OR14J1: variants seen among roughly 807,000 people sequenced by gnomAD.
OR14J1 encodes olfactory receptor family 14 subfamily J member 1, also known as olfactory receptor 14J1.
For synonymous variants in OR14J1, 140 were observed against 146.7 expected (o/e 0.95, Z 0.33); for missense variants, 378 against 393.4 (o/e 0.96, Z 0.33).
chr6:29,306,040 A>G (rs558767049), intron 1 of OR14J1, among the ~76,000 whole-genome samples: 2 of 152,344 alleles, frequency 1.3e-5, no homozygotes, highest in African/African-American at 4.8e-5. Flanking sequence ...AAAGCTCAGG[A>G]TTCAATGCCT....
chr6:29,305,654 TA>T (rs1366027033), intron 1 of OR14J1, among the ~76,000 whole-genome samples: 1 of 152,056 alleles, frequency 6.6e-6, no homozygotes, highest in Non-Finnish European at 1.5e-5. Flanking sequence ...GTTGATTCTA[TA>T]ATAATAGCAC....
Position 29,312,757 on chromosome 6 carries a change from G to A in OR14J1, c.*5102G>A, listed in dbSNP as rs897632821. ...AGATAATCAAGAATTGTTATAAAGG[G>A]CTGGGCGTGGTAGCTCACGCCTGTA... On this transcript the variant is annotated 3_prime_UTR_variant, in exon 2 of 2. Coordinates refer to ENST00000641895, the MANE Select transcript of OR14J1 (RefSeq NM_030946.2). The A allele has an allele frequency of 6.6e-6, 1 of 152,222 alleles. No homozygotes were observed. Among genetic ancestry groups the A allele is most frequent in the Non-Finnish European group, 1.5e-5 (1 of 68,072 alleles). The allele number at this position is 152,222 out of a possible 1,614,324, so 9.4% of individuals were successfully genotyped here. A position where few individuals can be genotyped will look rare whatever the true frequency, so the allele number is the denominator to read the frequency against.
Position 29,306,805 on chromosome 6 carries a change from G to A in OR14J1, c.116G>A (p.Gly39Asp). The A allele has an allele frequency of 6.2e-7, 1 of 1,612,982 alleles. No homozygotes were observed. The highest frequency in any genetic ancestry group is 2.2e-5 in the East Asian group (1 of 44,884). ...FLVTYLLALT[G>D]NLLIITIITV... is the part of the protein sequence containing the mutation. ...GTGACATACCTGCTGGCCTTGACAG[G>A]CAACCTCCTCATTATCACCATCATT... The change falls in exon 2 of 2, where the codon GGC becomes GAC. Residue 39 changes from glycine (G) to aspartate (D), a missense_variant. Gly to Asp is a moderately conservative substitution (Grantham distance 94). Coordinates refer to ENST00000641895, the MANE Select transcript of OR14J1 (RefSeq NM_030946.2).
At chr6:29,303,884 C>G (rs191661855) in intron 1 of OR14J1, among the ~76,000 whole-genome samples, 1 of 152,190 alleles carries the variant, frequency 6.6e-6, no homozygotes. Context: ...GACACACACA[C>G]ACACATAAAA....
rs1265235004 is a variant in OR14J1, at chr6:29,307,049, G to A, written c.360G>A (p.Arg120=). The part of the protein sequence containing the change: ...VAILTVMSYD[R]YAAICQPLHY... ...TTCTCACAGTGATGTCTTATGACAG[G>A]TACGCAGCAATCTGTCAACCACTTC... The change falls in exon 2 of 2, where the codon AGG becomes AGA. Residue 120 remains arginine, a synonymous_variant. Transcript: ENST00000641895. 6 of 1,612,846 alleles carry A rather than the reference G, an allele frequency of 3.7e-6. No homozygotes were observed. Among genetic ancestry groups the A allele is most frequent in the African/African-American group, 1.3e-5 (1 of 74,916 alleles).
At chr6:29,301,948 T>C (rs1291112270) in intron 1 of OR14J1, among the ~76,000 whole-genome samples, 161 bp downstream of exon 1, 1 of 152,130 alleles carries the variant, frequency 6.6e-6, no homozygotes, top group African/African-American at 2.4e-5. Context: ...GCGATATCTA[T>C]GCAAATAAGG....
intron 1 of OR14J1, among the ~76,000 whole-genome samples, chr6:29,305,252 C>A (rs1485905404): frequency 6.6e-6 from 1 of 152,050 alleles, no homozygotes; most frequent in Non-Finnish European, 1.5e-5. Context: ...ACAGCAAAAT[C>A]AAAAAGATCT....
Position 29,309,764 on chromosome 6 carries a change from G to A in OR14J1, c.*2109G>A, listed in dbSNP as rs746386457. On this transcript the variant is annotated 3_prime_UTR_variant, in exon 2 of 2. Transcript: ENST00000641895. The stretch of plus-strand genomic sequence containing the variant: ...TAGGGGGCCGCAGCAGGCAGATCAC[G>A]AGGTCAGGAGATTGAGACCATCCTG... The A allele has an allele frequency of 2.6e-5, 4 of 152,152 alleles. No homozygotes were observed. The highest frequency in any genetic ancestry group is 1.3e-4 in the Admixed American group (2 of 15,274). The allele number at this position is 152,152 out of a possible 1,614,324, so 9.4% of individuals were successfully genotyped here.
At position 29,311,457 on chromosome 6, in the gene OR14J1, A is replaced by G. The variant is rs1190890189; in HGVS notation, c.*3802A>G. On this transcript the variant is annotated 3_prime_UTR_variant, in exon 2 of 2. Coordinates refer to ENST00000641895, the MANE Select transcript of OR14J1 (RefSeq NM_030946.2). ...AATCAGCTTTGCATCCCAGGAATGA[A>G]GCTGACTTGATCATGGTAGATGAGC... 2 of 152,218 alleles carry G rather than the reference A, an allele frequency of 1.3e-5. No individual in the cohort carries two copies. Among genetic ancestry groups the G allele is most frequent in the Non-Finnish European group, 2.9e-5 (2 of 68,032 alleles). The allele number at this position is 152,218 out of a possible 1,614,324, so 9.4% of individuals were successfully genotyped here.
rs1775572820 is a variant in OR14J1 at position 29,312,248 on chromosome 6, G to A, written c.*4593G>A. 6.6e-6 allele frequency: 1 copy of A among 152,000 alleles called. No homozygotes were observed. The highest frequency in any genetic ancestry group is 2.4e-5 in the African/African-American group (1 of 41,396). The allele number at this position is 152,000 out of a possible 1,614,324, so 9.4% of individuals were successfully genotyped here. Reference sequence around the variant, plus strand: ...CTGCTTTCTCCTGTGGGCATTTAGTGCTATAAATTTCCCTTTAAACACTGC... The same window carrying A: ...CTGCTTTCTCCTGTGGGCATTTAGTACTATAAATTTCCCTTTAAACACTGC... On this transcript the variant is annotated 3_prime_UTR_variant, in exon 2 of 2. Coordinates refer to ENST00000641895, the MANE Select transcript of OR14J1 (RefSeq NM_030946.2).
At chr6:29,303,133 G>A (rs955595282) in intron 1 of OR14J1, among the ~76,000 whole-genome samples, 5 of 152,182 alleles carry the variant, frequency 3.3e-5, no homozygotes, top group South Asian at 2.1e-4. Flanking sequence ...GGTAGTGCTC[G>A]AAACAGCAGA....
chr6:29,308,835 C>G lies in OR14J1; in HGVS notation c.*1180C>G. On this transcript the variant is annotated 3_prime_UTR_variant, in exon 2 of 2. Coordinates refer to ENST00000641895, the MANE Select transcript of OR14J1 (RefSeq NM_030946.2). ...GTTATAATATCTACATATGCATATA[C>G]CTTAGTAAGTTTTTTTTCTTTAATC... 1 of 26,608 alleles carries G rather than the reference C, an allele frequency of 3.8e-5. No individual in the cohort carries two copies. Among genetic ancestry groups the G allele is most frequent in the Middle Eastern group, 0.014 (1 of 72 alleles). The allele number at this position is 26,608 out of a possible 1,614,324, so 1.6% of individuals were successfully genotyped here.
Position 29,306,675 on chromosome 6 carries a change from A to G in OR14J1, c.-15A>G. ...CTTCCTAAACAGAGTCACACTTGGT[A>G]TCTTCAGAGAGACTATGGTCAATTT... On this transcript the variant is annotated 5_prime_UTR_variant, in exon 2 of 2. Coordinates refer to ENST00000641895, the MANE Select transcript of OR14J1 (RefSeq NM_030946.2). The G allele has an allele frequency of 6.5e-7, 1 of 1,543,852 alleles. No homozygotes were observed. The highest frequency in any genetic ancestry group is 8.9e-7 in the Non-Finnish European group (1 of 1,120,094).
Position 29,307,212 on chromosome 6 carries a change from T to C in OR14J1, c.523T>C (p.Phe175Leu). 6.2e-7 allele frequency: 1 copy of C among 1,613,056 alleles called. No individual in the cohort carries two copies. The highest frequency in any genetic ancestry group is 8.5e-7 in the Non-Finnish European group (1 of 1,180,020). ...CTGTGGGAAGAGAGTCATTCACCAA[T>C]TCTTCTGTGATGTTCCTCAGATGCT... ...PLCGKRVIHQ[F>L]FCDVPQMLKL... Residue 175 changes from phenylalanine to leucine, a missense_variant, in exon 2 of 2, where the codon TTC becomes CTC. Coordinates refer to ENST00000641895, the MANE Select transcript of OR14J1 (RefSeq NM_030946.2).
chr6:29,312,448 C>A lies in OR14J1; in HGVS notation c.*4793C>A. On this transcript the variant is annotated 3_prime_UTR_variant, in exon 2 of 2. Coordinates refer to ENST00000641895, the MANE Select transcript of OR14J1 (RefSeq NM_030946.2). The stretch of plus-strand genomic sequence containing the variant: ...CTGGAGTGCACTGTTCCTCATGGCT[C>A]AGTCCCTCATGGCTTCCCTTGGCTA... 1 of 174,078 alleles carries A rather than the reference C, an allele frequency of 5.7e-6. No individual in the cohort carries two copies. Among genetic ancestry groups the A allele is most frequent in the Non-Finnish European group, 1.2e-5 (1 of 85,428 alleles). 10.8% of individuals were successfully genotyped at this position (174,078 alleles called of 1,614,324 possible).
intron 1 of OR14J1, among the ~76,000 whole-genome samples, chr6:29,302,485 G>T (rs950913096): frequency 2.0e-5 from 3 of 151,944 alleles, no homozygotes; most frequent in Non-Finnish European, 4.4e-5. Flanking sequence ...AGCCATGAGG[G>T]GCAATTCTAA....
chr6:29,303,067 G>A (rs980324686), intron 1 of OR14J1, among the ~76,000 whole-genome samples: 2 of 152,212 alleles, frequency 1.3e-5, no homozygotes, highest in Non-Finnish European at 2.9e-5. Context: ...TGTGCCAACC[G>A]TGAAGCAGGA....
In OR14J1 at chr6:29,307,311, T is replaced by C; in HGVS notation, c.622T>C (p.Cys208Arg). 2 of 1,613,106 alleles carry C rather than the reference T, an allele frequency of 1.2e-6. No homozygotes were observed. The highest frequency in any genetic ancestry group is 2.2e-5 in the South Asian group (2 of 91,082). Reference sequence around the variant, plus strand: ...ATTCACAACGTCTGCAGCATTTATCTGTTTGATCTCCATTGTGCTCTCCTA... The same window carrying C: ...ATTCACAACGTCTGCAGCATTTATCCGTTTGATCTCCATTGTGCTCTCCTA... The part of the protein sequence containing the change: ...AAFTTSAAFI[C>R]LISIVLSYIR... The change falls in exon 2 of 2, where the codon TGT becomes CGT. Residue 208 changes from cysteine (C) to arginine (R), a missense_variant. Transcript: ENST00000641895.
In OR14J1 at chr6:29,307,434, T is replaced by C; in HGVS notation, c.745T>C (p.Phe249Leu). 6.2e-7 allele frequency: 1 copy of C among 1,613,108 alleles called. No individual in the cohort carries two copies. Among genetic ancestry groups the C allele is most frequent in the Non-Finnish European group, 8.5e-7 (1 of 1,180,032 alleles). Residue 249 changes from phenylalanine to leucine, a missense_variant, in exon 2 of 2, where the codon TTT becomes CTT. Phe to Leu is a conservative substitution (Grantham distance 22). Coordinates refer to ENST00000641895, the MANE Select transcript of OR14J1 (RefSeq NM_030946.2). ...ACCACACCTATTTGTAGCCACCTTC[T>C]TTCTTTCAGCTGCAGGCTTTGAGTT... ...CLPHLFVATF[F>L]LSAAGFEFLR...
Sources: allele counts gnomAD v4.1 joint callset (sites outside exome capture counted in the v4.1 genomes callset), GRCh38; gene constraint gnomAD v4.1.1; transcripts MANE v1.5; gene names NCBI Gene and HGNC (gene_info 2026-07-23, HGNC 2026-07-21).